Variants in KPNA4 observed in about 807,000 individuals in gnomAD.
KPNA4 encodes the protein importin subunit alpha-3.
In KPNA4, 13 loss-of-function variants were observed where a neutral mutation model predicts 71.3. The observed-to-expected ratio is 0.18, with a 90% CI of 0.12 to 0.29. The LOEUF (loss-of-function observed/expected upper bound fraction) is 0.29. Among genes scored for constraint, KPNA4 ranks in the 10% least tolerant of loss-of-function variants. The pLI is 1.00. For synonymous variants in KPNA4, 189 were observed against 195.2 expected (o/e 0.97, Z 0.26); for missense variants, 334 against 603.2 (o/e 0.55, Z 4.67).
chr3:160,555,571 C>T (rs953108325), intron 1 of KPNA4, among the ~76,000 whole-genome samples: 3 of 152,094 alleles, frequency 2.0e-5, no homozygotes, highest in South Asian at 2.1e-4. Context: ...ACAATTATAA[C>T]AATATATTGT....
rs1721022995 is a variant in KPNA4 at position 160,508,141 on chromosome 3, T to C, written c.1338A>G (p.Ala446=). Residue 446 remains alanine (A), a synonymous_variant, in exon 15 of 17, where the codon GCA becomes GCG. Transcript: ENST00000334256. Reference sequence around the variant, plus strand: ...CTTCTATAAGATTGCCTATGGTTTCTGCCTCATCTTCAGCCATTTTTAATA... The same window carrying C: ...CTTCTATAAGATTGCCTATGGTTTCCGCCTCATCTTCAGCCATTTTTAATA... ...SNILKMAEDE[A]ETIGNLIEEC... The C allele has an allele frequency of 3.7e-6, 6 of 1,608,550 alleles. No individual in the cohort carries two copies. The Middle Eastern group carries it at 6.6e-4, about 177-fold the overall frequency.
intron 1 of KPNA4, among the ~76,000 whole-genome samples, chr3:160,549,804 G>A (rs1045716319): frequency 4.6e-5 from 7 of 152,194 alleles, no homozygotes; most frequent in Non-Finnish European, 1.0e-4. Flanking sequence ...ATGCTGCCAT[G>A]ATTTTGATAG....
chr3:160,527,386 G>C (rs1162637995), intron 8 of KPNA4, among the ~76,000 whole-genome samples: 1 of 152,080 alleles, frequency 6.6e-6, no homozygotes, highest in East Asian at 1.9e-4. Flanking sequence ...AGTAATCACA[G>C]TGTTAAATAT....
chr3:160,530,796 A>G, intron 7 of KPNA4, 59 bp downstream of exon 7: 2 of 1,199,710 alleles, frequency 1.7e-6, no homozygotes, highest in South Asian at 2.6e-5. Context: ...GAAGATCACT[A>G]TTTTTTACCG....
chr3:160,525,807 T>A lies in KPNA4; in HGVS notation c.764A>T (p.Asp255Val). 6.4e-7 allele frequency: 1 copy of A among 1,563,370 alleles called. No individual in the cohort carries two copies. The highest frequency in any genetic ancestry group is 8.7e-7 in the Non-Finnish European group (1 of 1,153,266). The change falls in exon 10 of 17, where the codon GAT (aspartate) becomes GTT (valine). Residue 255 changes from aspartate (D) to valine (V), a missense_variant. By Grantham distance (152) the Asp-to-Val change is radical. Coordinates refer to ENST00000334256, the MANE Select transcript of KPNA4 (RefSeq NM_002268.5). ...PALCVLIHHTDVNILVDTVWA... is the reference protein window; with the variant it reads ...PALCVLIHHTVVNILVDTVWA... ...TAGGACACATTTACTCACATTTACATCTGTGTGATGAATTAAAACACAAAG... is the reference window on the plus strand; with the variant it reads ...TAGGACACATTTACTCACATTTACAACTGTGTGATGAATTAAAACACAAAG...
chr3:160,556,556 A>G (rs919173472), intron 1 of KPNA4, among the ~76,000 whole-genome samples: 2 of 152,326 alleles, frequency 1.3e-5, no homozygotes, highest in Admixed American at 6.5e-5. Flanking sequence ...TGGGAACACA[A>G]GTGTTTCAGA....
intron 16 of KPNA4, 93 bp downstream of exon 16, chr3:160,504,865 A>G (rs73875287): frequency 3.5e-4 from 163 of 463,682 alleles, no homozygotes; most frequent in African/African-American, 2.8e-3. Flanking sequence ...CCAAACAAAT[A>G]CACATGTATG....
intron 11 of KPNA4, among the ~76,000 whole-genome samples, chr3:160,519,112 A>G (rs963677678): frequency 2.0e-5 from 3 of 152,190 alleles, no homozygotes; most frequent in Non-Finnish European, 1.5e-5. Flanking sequence ...GCCAAAAACC[A>G]AAAGCACATG....
chr3:160,522,010 CCTT>C (rs1577051707), intron 10 of KPNA4, 100 bp from the exon 11 acceptor site: 21 of 943,802 alleles, frequency 2.2e-5, no homozygotes, highest in South Asian at 1.7e-4. Context: ...CTACCTTCTT[CCTT>C]CTTTTCTTCT....
chr3:160,509,127 T>G (rs1721043121), intron 14 of KPNA4, among the ~76,000 whole-genome samples: 1 of 152,200 alleles, frequency 6.6e-6, no homozygotes, highest in Non-Finnish European at 1.5e-5. Flanking sequence ...TAAAACTGTT[T>G]TTCCTTTGCC....
intron 10 of KPNA4, among the ~76,000 whole-genome samples, chr3:160,522,616 C>A (rs1011417925): frequency 1.2e-4 from 18 of 152,204 alleles, no homozygotes; most frequent in Non-Finnish European, 2.6e-4. Flanking sequence ...TGCCGCAACG[C>A]CTGGCTAAGT....
Position 160,499,395 on chromosome 3 carries a change from C to T in KPNA4, c.*2709G>A, listed in dbSNP as rs1033535729. ...GACATGAAACGTTAAGAACGTTTAG[C>T]TTATTAGGCATATTATTCTATGCCC... On this transcript the variant is annotated 3_prime_UTR_variant, in exon 17 of 17. Coordinates refer to ENST00000334256, the MANE Select transcript of KPNA4 (RefSeq NM_002268.5). The T allele has an allele frequency of 1.3e-5, 2 of 151,780 alleles. No individual in the cohort carries two copies. The highest frequency in any genetic ancestry group is 2.1e-4 in the South Asian group (1 of 4,812). The allele number at this position is 151,780 out of a possible 1,614,324, so 9.4% of individuals were successfully genotyped here. A position where few individuals can be genotyped will look rare whatever the true frequency, so the allele number is the denominator to read the frequency against.
intron 1 of KPNA4, among the ~76,000 whole-genome samples, chr3:160,563,509 T>C (rs1334458769): frequency 2.0e-5 from 3 of 152,292 alleles, no homozygotes; most frequent in East Asian, 1.9e-4. Context: ...GGGTGAATTG[T>C]ATGGCATGCG....
At chr3:160,510,134 G>A (rs1721061245) in intron 13 of KPNA4, among the ~76,000 whole-genome samples, 1 of 152,024 alleles carries the variant, frequency 6.6e-6, no homozygotes, top group Non-Finnish European at 1.5e-5. Context: ...TGAAGTTGAT[G>A]ATAAAATGAA....
chr3:160,525,985 A>C lies in KPNA4; in HGVS notation c.679T>G (p.Leu227Val). Residue 227 changes from leucine (L) to valine (V), a missense_variant, in exon 9 of 17, where the codon TTA (leucine) becomes GTA (valine). Transcript: ENST00000334256. ...GGTGGTGGGTCTTTGTGGCGACATA[A>C]GTTGACCATAACCCAAGTAACATTT... ...LRNVTWVMVN[L>V]CRHKDPPPPM... The C allele has an allele frequency of 6.3e-7, 1 of 1,598,096 alleles. No homozygotes were observed. The highest frequency in any genetic ancestry group is 8.5e-7 in the Non-Finnish European group (1 of 1,173,280).
At chr3:160,549,760 CCT>C (rs1722000299) in intron 1 of KPNA4, among the ~76,000 whole-genome samples, 1 of 152,140 alleles carries the variant, frequency 6.6e-6, no homozygotes, top group Non-Finnish European at 1.5e-5. Context: ...CCTTGTGGTA[CCT>C]TATGAAGACT....
rs1014878648 is a variant in KPNA4 at position 160,535,571 on chromosome 3, A to C, written c.235-6T>G. ...TGGTTATCACTTGAAGCATTCTATA[A>C]AAAATAAAATAATTTATGATGTAAA... On this transcript the variant is annotated splice_polypyrimidine_tract_variant and splice_region_variant and intron_variant, in intron 4 of 16. Transcript: ENST00000334256. 4 of 1,591,788 alleles carry C rather than the reference A, an allele frequency of 2.5e-6. No individual in the cohort carries two copies. The Admixed American group carries it at 5.1e-5, about 20-fold the overall frequency.
chr3:160,515,098 C>T (rs1198727788), intron 12 of KPNA4: 4 of 519,572 alleles, frequency 7.7e-6, no homozygotes, highest in Non-Finnish European at 1.5e-5. Flanking sequence ...ATAGCCACCA[C>T]AAGCACACAC....
chr3:160,528,857 A>AT (rs1721513296), intron 7 of KPNA4, among the ~76,000 whole-genome samples: 1 of 152,198 alleles, frequency 6.6e-6, no homozygotes, highest in Non-Finnish European at 1.5e-5. Flanking sequence ...TTTCCTTCTG[A>AT]TATTACTTTA....
Sources: gnomAD v4.1 joint callset for allele counts (sites outside exome capture counted in the v4.1 genomes callset) on GRCh38, gnomAD v4.1.1 for gene constraint, MANE v1.5 for transcripts, NCBI Gene and HGNC (gene_info 2026-07-23, HGNC 2026-07-21) for gene names.